The following GRIN2B variants were observed in gnomAD, a reference collection of about 807,000 sequenced individuals.
The protein encoded by GRIN2B is glutamate ionotropic receptor NMDA type subunit 2B, also known as glutamate receptor ionotropic, NMDA 2B.
Under a neutral mutation model 114.5 loss-of-function variants are expected in GRIN2B, and 5 were observed. The ratio of observed to expected loss-of-function variants is 0.04; its 90% CI spans 0.02 to 0.09. The LOEUF is 0.09. GRIN2B is among the 10% of genes least tolerant of loss of function. The pLI is 1.00. For synonymous variants in GRIN2B, 787 were observed against 745.1 expected (o/e 1.06, Z -0.92); for missense variants, 1,108 against 1,943.5 (o/e 0.57, Z 8.08).
chr12:13,770,756 G>GA (rs757683452), intron 3 of GRIN2B, among the ~76,000 whole-genome samples: 27 of 152,272 alleles, frequency 1.8e-4, no homozygotes, highest in Non-Finnish European at 7.4e-5. Flanking sequence ...TTATGAGTGA[G>GA]AAGCTGGAAG....
At chr12:13,964,771 T>TG (rs1867760085) in intron 2 of GRIN2B, among the ~76,000 whole-genome samples, 1 of 152,112 alleles carries the variant, frequency 6.6e-6, no homozygotes, top group Non-Finnish European at 1.5e-5. Flanking sequence ...GAAGCGGGTT[T>TG]GGGGGTCAAG....
intron 10 of GRIN2B, among the ~76,000 whole-genome samples, chr12:13,581,288 T>G (rs1403357613): frequency 6.6e-6 from 1 of 152,222 alleles, no homozygotes; most frequent in Non-Finnish European, 1.5e-5. Context: ...AAACTGACAT[T>G]ATCTTCCTTA....
chr12:13,591,340 A>G (rs1353414551), intron 10 of GRIN2B, among the ~76,000 whole-genome samples: 1 of 152,148 alleles, frequency 6.6e-6, no homozygotes, highest in Admixed American at 6.5e-5. Flanking sequence ...TGGGTTTAGG[A>G]GCGAACCCTG....
At chr12:13,640,884 T>TA (rs1487947284) in intron 5 of GRIN2B, among the ~76,000 whole-genome samples, 2 of 152,048 alleles carry the variant, frequency 1.3e-5, no homozygotes, top group Admixed American at 1.3e-4. Flanking sequence ...TTGAAGTTTT[T>TA]AAAAATTTGT....
intron 3 of GRIN2B, among the ~76,000 whole-genome samples, chr12:13,842,096 C>G (rs1473271568): frequency 6.6e-6 from 1 of 152,076 alleles, no homozygotes; most frequent in Non-Finnish European, 1.5e-5. Context: ...AAAAAGGAGG[C>G]TTGACGAAGG....
chr12:13,953,979 G>C (rs1011988962), intron 2 of GRIN2B, among the ~76,000 whole-genome samples: 1 of 152,152 alleles, frequency 6.6e-6, no homozygotes, highest in African/African-American at 2.4e-5. Context: ...TCAAAATGTG[G>C]GATTTGAAAA....
At chr12:13,845,256 T>A (rs945622863) in intron 3 of GRIN2B, among the ~76,000 whole-genome samples, 2 of 152,222 alleles carry the variant, frequency 1.3e-5, no homozygotes, top group Non-Finnish European at 2.9e-5. Flanking sequence ...ATATAATCTC[T>A]AATATATAGG....
chr12:13,592,791 G>A (rs930087948), intron 10 of GRIN2B, among the ~76,000 whole-genome samples: 4 of 152,066 alleles, frequency 2.6e-5, no homozygotes, highest in South Asian at 2.1e-4. Flanking sequence ...CTGTTCTTTC[G>A]GTCTAAGTGA....
At chr12:13,589,459 G>A (rs551309038) in intron 10 of GRIN2B, among the ~76,000 whole-genome samples, 14 of 152,216 alleles carry the variant, frequency 9.2e-5, no homozygotes, top group Non-Finnish European at 1.6e-4. Flanking sequence ...TCTGGCAGAT[G>A]CTAAGGACTC....
chr12:13,896,076 A>G (rs1866347026), intron 2 of GRIN2B, among the ~76,000 whole-genome samples: 1 of 152,352 alleles, frequency 6.6e-6, no homozygotes, highest in African/African-American at 2.4e-5. Flanking sequence ...ATACTAACTC[A>G]ATGTTGATAA....
At chr12:13,618,650 T>C (rs1013048365) in intron 5 of GRIN2B, among the ~76,000 whole-genome samples, 1 of 152,192 alleles carries the variant, frequency 6.6e-6, no homozygotes, top group Non-Finnish European at 1.5e-5. Flanking sequence ...TCTCTCACTG[T>C]CCTCAGAATT....
At chr12:13,889,908 A>G (rs1367525863) in intron 2 of GRIN2B, among the ~76,000 whole-genome samples, 1 of 152,212 alleles carries the variant, frequency 6.6e-6, no homozygotes. Context: ...AGTGACCGTC[A>G]TTCTCCAGCC....
chr12:13,852,238 T>C (rs1330815939), intron 3 of GRIN2B, among the ~76,000 whole-genome samples: 1 of 152,128 alleles, frequency 6.6e-6, no homozygotes, highest in Non-Finnish European at 1.5e-5. Context: ...CAGCATTCCC[T>C]GTGATACTCT....
chr12:13,952,704 T>A lies in GRIN2B; in HGVS notation c.-19+27224A>T, dbSNP rs183965486. Among the ~76,000 whole-genome samples the A allele has an allele frequency of 7.9e-5, 12 of 152,252 alleles. No homozygotes were observed. In the East Asian group the frequency reaches 2.1e-3, roughly 27 times the overall value. On this transcript the variant is annotated intron_variant, in intron 2 of 13. Coordinates refer to ENST00000609686, the MANE Select transcript of GRIN2B (RefSeq NM_000834.5). The stretch of plus-strand genomic sequence containing the variant: ...GTATATAATAGCATGAGGTTTCCAA[T>A]CCCCCAGGAGCTGGGCATGAAAATA...
intron 4 of GRIN2B, among the ~76,000 whole-genome samples, chr12:13,729,201 C>T (rs1323398973): frequency 1.3e-5 from 2 of 152,200 alleles, no homozygotes; most frequent in African/African-American, 4.8e-5. Flanking sequence ...AATAACTTAA[C>T]ATTTATTCCC....
At chr12:13,611,038 A>G (rs186835563) in intron 9 of GRIN2B, among the ~76,000 whole-genome samples, 15 of 152,322 alleles carry the variant, frequency 9.8e-5, no homozygotes, top group Admixed American at 5.9e-4. Context: ...CAAGGATCCC[A>G]TGGTCCCCTT....
chr12:13,874,353 G>T (rs1865962215), intron 2 of GRIN2B, among the ~76,000 whole-genome samples: 1 of 152,090 alleles, frequency 6.6e-6, no homozygotes, highest in Admixed American at 6.5e-5. Context: ...TTGATACAAG[G>T]TTTGTACAGA....
At chr12:13,594,156 C>T (rs908487710) in intron 10 of GRIN2B, among the ~76,000 whole-genome samples, 4 of 152,268 alleles carry the variant, frequency 2.6e-5, no homozygotes, top group South Asian at 2.1e-4. Context: ...CCATTTGACC[C>T]AGCAATCCCA....
chr12:13,701,702 T>C (rs1950314573), intron 4 of GRIN2B, among the ~76,000 whole-genome samples: 1 of 151,834 alleles, frequency 6.6e-6, no homozygotes, highest in African/African-American at 2.4e-5. Context: ...ACTGGATGAC[T>C]AGCACAAGAA....
Sources: gnomAD v4.1 joint callset for allele counts (sites outside exome capture counted in the v4.1 genomes callset) on GRCh38, gnomAD v4.1.1 for gene constraint, MANE v1.5 for transcripts, NCBI Gene and HGNC (gene_info 2026-07-23, HGNC 2026-07-21) for gene names.